FANCL: variants seen among roughly 807,000 people sequenced by gnomAD.
FANCL encodes E3 ubiquitin-protein ligase FANCL.
In FANCL, 69 loss-of-function variants were observed where a neutral mutation model predicts 59.4. The observed-to-expected ratio is 1.16, with a 90% CI of 0.96 to 1.42. FANCL has a LOEUF of 1.42. Among genes scored for constraint, FANCL ranks in the 40% most tolerant of loss-of-function variants. The probability of loss-of-function intolerance (pLI) is 0.00; values close to 1 mark genes in which losing one functional copy is unlikely to be tolerated. For synonymous variants in FANCL, 180 were observed against 147.1 expected (o/e 1.22, Z -1.62); for missense variants, 519 against 447.2 (o/e 1.16, Z -1.45).
At chr2:58,224,646 T>A (rs187463029) in intron 4 of FANCL, among the ~76,000 whole-genome samples, 2 of 151,962 alleles carry the variant, frequency 1.3e-5, no homozygotes, top group East Asian at 3.9e-4. Context: ...CAAAGAAATA[T>A]CAAAACTTTC....
intron 7 of FANCL, among the ~76,000 whole-genome samples, chr2:58,187,795 T>C (rs530736477): frequency 2.0e-5 from 3 of 152,306 alleles, no homozygotes; most frequent in African/African-American, 7.2e-5. Flanking sequence ...AACGTCCATT[T>C]TGAGTTTTAT....
chr2:58,219,157 AAAAAAAAAAAAAAAATATATATAT>A (rs1328964633), intron 5 of FANCL, among the ~76,000 whole-genome samples: 1 of 94,346 alleles, frequency 1.1e-5, no homozygotes, highest in Non-Finnish European at 1.9e-5. Context: ...AAAAAAAAAA[AAAAAAAAAAAAAAAATATATATAT>A]ATATATATAT....
chr2:58,235,781 A>G (rs1299144421), intron 1 of FANCL, among the ~76,000 whole-genome samples: 1 of 152,114 alleles, frequency 6.6e-6, no homozygotes, highest in Non-Finnish European at 1.5e-5. Flanking sequence ...GGAAAACATG[A>G]GCGTACTAAA....
chr2:58,217,191 TATATATATATATATATATATATATAC>T (rs1455920609), intron 5 of FANCL, among the ~76,000 whole-genome samples: 90 of 6,762 alleles, frequency 0.013, 6 homozygotes, highest in Admixed American at 0.021. Context: ...TATATATATA[TATATATATATATATATATATATATAC>T]ACACACACAC....
rs1685850309 is a variant in FANCL, at chr2:58,165,661, A to G, written c.691+63T>C. 6 of 1,585,472 alleles carry G rather than the reference A, an allele frequency of 3.8e-6. No homozygotes were observed. The East Asian group carries it at 6.8e-5, about 18-fold the overall frequency. ...GTCTGAGTCCAACTGTCATTGTTAG[A>G]TTTATTTTCATAATACAAAATAAAA... On this transcript the variant is annotated intron_variant, in intron 8 of 13. Coordinates refer to ENST00000233741, the MANE Select transcript of FANCL (RefSeq NM_018062.4).
In FANCL at chr2:58,177,357, A is replaced by C. The variant is rs192665141; in HGVS notation, c.541-11483T>G. On this transcript the variant is annotated intron_variant, in intron 7 of 13. Transcript: ENST00000233741. The stretch of plus-strand genomic sequence containing the variant: ...CTATGTTTATTGCAGCACTATTCAC[A>C]ACAGCAAAGACTTGGAACCAACCCA... Among the ~76,000 whole-genome samples, 46 of 152,278 alleles carry C rather than the reference A, an allele frequency of 3.0e-4. 1 individual carries two copies. In the East Asian group the frequency reaches 8.9e-3, roughly 29 times the overall value.
At chr2:58,179,739 T>G (rs1687732647) in intron 7 of FANCL, among the ~76,000 whole-genome samples, 1 of 152,104 alleles carries the variant, frequency 6.6e-6, no homozygotes, top group South Asian at 2.1e-4. Flanking sequence ...GGGATCTAAT[T>G]AAACTAAAGA....
At chr2:58,188,704 T>A (rs1470678687) in intron 7 of FANCL, among the ~76,000 whole-genome samples, 1 of 151,406 alleles carries the variant, frequency 6.6e-6, no homozygotes, top group Non-Finnish European at 1.5e-5. Context: ...CCTCCTGAAG[T>A]GTTGGGATTA....
intron 7 of FANCL, among the ~76,000 whole-genome samples, chr2:58,176,914 G>T (rs1434297154): frequency 2.6e-5 from 4 of 151,794 alleles, no homozygotes; most frequent in African/African-American, 9.7e-5. Context: ...AATCTACAAA[G>T]AACTCAAACA....
At chr2:58,211,386 G>C (rs1439150155) in intron 5 of FANCL, among the ~76,000 whole-genome samples, 3 of 152,180 alleles carry the variant, frequency 2.0e-5, no homozygotes, top group Admixed American at 6.5e-5. Context: ...CCTGCACACA[G>C]TGCTGGGACC....
At chr2:58,234,561 A>G (rs1345661580) in intron 1 of FANCL, among the ~76,000 whole-genome samples, 1 of 151,862 alleles carries the variant, frequency 6.6e-6, no homozygotes, top group Non-Finnish European at 1.5e-5. Context: ...TGGAAAGAAA[A>G]ATAAAATAGT....
chr2:58,193,202 A>C (rs1192573585), intron 7 of FANCL, among the ~76,000 whole-genome samples: 2 of 152,058 alleles, frequency 1.3e-5, no homozygotes, highest in Non-Finnish European at 2.9e-5. Context: ...AGTAATTCTA[A>C]GAATTATTTG....
At chr2:58,204,873 G>T (rs146951139) in intron 5 of FANCL, among the ~76,000 whole-genome samples, 1 of 152,094 alleles carries the variant, frequency 6.6e-6, no homozygotes, top group African/African-American at 2.4e-5. Flanking sequence ...AACTGCTTTG[G>T]CTTTAAGTTA....
intron 7 of FANCL, among the ~76,000 whole-genome samples, chr2:58,181,446 G>T (rs1482609092): frequency 6.6e-6 from 1 of 152,000 alleles, no homozygotes; most frequent in African/African-American, 2.4e-5. Flanking sequence ...ACTGTGGATT[G>T]CACTGGTGTA....
chr2:58,223,145 A>T (rs1051230887), intron 4 of FANCL, among the ~76,000 whole-genome samples: 7 of 151,624 alleles, frequency 4.6e-5, no homozygotes, highest in African/African-American at 1.7e-4. Flanking sequence ...ATGATGAAAA[A>T]AAAAAAACAA....
chr2:58,211,730 A>C (rs1003393660), intron 5 of FANCL, among the ~76,000 whole-genome samples: 2 of 152,164 alleles, frequency 1.3e-5, no homozygotes, highest in African/African-American at 4.8e-5. Context: ...CATCTCTCTC[A>C]AGTTCATAGT....
Position 58,163,059 on chromosome 2 carries a change from C to T in FANCL, c.791G>A (p.Gly264Glu). Residue 264 changes from glycine (G) to glutamate (E), a missense_variant, in exon 10 of 14, where the codon GGA becomes GAA. Physicochemically the swap from Gly to Glu is moderately conservative, Grantham distance 98. Coordinates refer to ENST00000233741, the MANE Select transcript of FANCL (RefSeq NM_018062.4). Reference protein sequence around the residue: ...LGADHVVKPLGIKLSRNIHLW... With the variant: ...LGADHVVKPLEIKLSRNIHLW... ...ATGTATGTTCCTGCTCAGCTTAATT[C>T]CCAGGGGTTTTACCACTTCAGATTA... 6.2e-7 allele frequency: 1 copy of T among 1,612,118 alleles called. No homozygotes were observed. The highest frequency in any genetic ancestry group is 8.5e-7 in the Non-Finnish European group (1 of 1,178,942).
chr2:58,240,348 G>T (rs1350912535), intron 1 of FANCL, among the ~76,000 whole-genome samples: 1 of 152,166 alleles, frequency 6.6e-6, no homozygotes, highest in East Asian at 1.9e-4. Context: ...GTGGGCACAA[G>T]GTTGAGTGTA....
At chr2:58,220,294 C>T (rs1692342648) in intron 5 of FANCL, among the ~76,000 whole-genome samples, 2 of 152,206 alleles carry the variant, frequency 1.3e-5, no homozygotes, top group Admixed American at 1.3e-4. Flanking sequence ...ATTAAGTCTA[C>T]ATAAAGTCAT....
Sources: allele counts gnomAD v4.1 joint callset (sites outside exome capture counted in the v4.1 genomes callset), GRCh38; gene constraint gnomAD v4.1.1; transcripts MANE v1.5; gene names NCBI Gene and HGNC (gene_info 2026-07-23, HGNC 2026-07-21).